The following ADAMTS18 variants were observed in gnomAD, a reference collection of about 807,000 sequenced individuals.
ADAMTS18 encodes A disintegrin and metalloproteinase with thrombospondin motifs 18.
Under a neutral mutation model 165.9 loss-of-function variants are expected in ADAMTS18, and 157 were observed. The ratio of observed to expected loss-of-function variants is 0.95; its 90% CI spans 0.83 to 1.08. ADAMTS18 has a LOEUF of 1.08. ADAMTS18 is among the 50% of genes least tolerant of loss of function. The pLI is 0.00. For synonymous variants in ADAMTS18, 782 were observed against 578.2 expected (o/e 1.35, Z -5.06); for missense variants, 2,040 against 1,534.0 (o/e 1.33, Z -5.51).
chr16:77,301,333 G>A (rs1378005517), intron 16 of ADAMTS18, among the ~76,000 whole-genome samples: 1 of 151,458 alleles, frequency 6.6e-6, no homozygotes, highest in Non-Finnish European at 1.5e-5. Flanking sequence ...AAGTGACTAG[G>A]GACTGAGCTT....
intron 3 of ADAMTS18, among the ~76,000 whole-genome samples, chr16:77,386,570 T>C (rs1055553668): frequency 6.6e-6 from 1 of 152,162 alleles, no homozygotes; most frequent in Non-Finnish European, 1.5e-5. Context: ...CTCCAGTTCA[T>C]CAAAGCCCTA....
chr16:77,293,528 C>T (rs2055408913), intron 19 of ADAMTS18, among the ~76,000 whole-genome samples: 1 of 151,806 alleles, frequency 6.6e-6, no homozygotes, highest in African/African-American at 2.4e-5. Flanking sequence ...TTTAGATTTA[C>T]CCTCTGCTAT....
In ADAMTS18 at chr16:77,362,098, A is replaced by G; in HGVS notation, c.1216+7T>C. 6.2e-7 allele frequency: 1 copy of G among 1,614,026 alleles called. No homozygotes were observed. The highest frequency in any genetic ancestry group is 8.5e-7 in the Non-Finnish European group (1 of 1,179,974). On this transcript the variant is annotated splice_region_variant and intron_variant, in intron 7 of 22. Transcript: ENST00000282849. Reference sequence around the variant, plus strand: ...AGGTGTGTGTGAAGGATCTGTTCATACCATACCTAGAGTGTCACATGGTTC... The same window carrying G: ...AGGTGTGTGTGAAGGATCTGTTCATGCCATACCTAGAGTGTCACATGGTTC...
chr16:77,296,739 G>A (rs2055480311), intron 18 of ADAMTS18, among the ~76,000 whole-genome samples: 1 of 152,212 alleles, frequency 6.6e-6, no homozygotes, highest in Non-Finnish European at 1.5e-5. Flanking sequence ...ATAATTGCTT[G>A]AATCCAGTAG....
intron 4 of ADAMTS18, among the ~76,000 whole-genome samples, chr16:77,366,648 A>C (rs893072105): frequency 6.6e-6 from 1 of 152,244 alleles, no homozygotes; most frequent in African/African-American, 2.4e-5. Flanking sequence ...TTGAGTATGT[A>C]AATCTACTTT....
Position 77,363,965 on chromosome 16 carries a change from G to C in ADAMTS18, c.973-80C>G, listed in dbSNP as rs1014243493. 8 of 1,372,004 alleles carry C rather than the reference G, an allele frequency of 5.8e-6. No individual in the cohort carries two copies. The Admixed American group carries it at 1.4e-4, about 23-fold the overall frequency. The allele number at this position is 1,372,004 out of a possible 1,614,324, so 85.0% of individuals were successfully genotyped here. A position where few individuals can be genotyped will look rare whatever the true frequency, so the allele number is the denominator to read the frequency against. On this transcript the variant is annotated intron_variant, in intron 5 of 22. Transcript: ENST00000282849. Reference sequence around the variant, plus strand: ...GAATCAATCAGACATATTGACTGAAGTACGCAGGCTTTAATTTTACCAAAT... The same window carrying C: ...GAATCAATCAGACATATTGACTGAACTACGCAGGCTTTAATTTTACCAAAT...
At chr16:77,335,670 A>G (rs1210030186) in intron 12 of ADAMTS18, 86 bp downstream of exon 12, 4 of 1,510,204 alleles carry the variant, frequency 2.6e-6, no homozygotes, top group Non-Finnish European at 3.7e-6. Context: ...TAAAAAAATA[A>G]ACTTAAAGTA....
chr16:77,304,494 T>A (rs2055646616), intron 16 of ADAMTS18, among the ~76,000 whole-genome samples: 1 of 152,196 alleles, frequency 6.6e-6, no homozygotes, highest in South Asian at 2.1e-4. Flanking sequence ...TCTGTTTTCT[T>A]TGAAGATTTC....
intron 3 of ADAMTS18, among the ~76,000 whole-genome samples, chr16:77,381,186 C>G (rs1436573870): frequency 6.6e-6 from 1 of 150,956 alleles, no homozygotes; most frequent in Non-Finnish European, 1.5e-5. Flanking sequence ...GCAGCTCTAC[C>G]TGATGGGTAC....
chr16:77,385,074 A>C (rs898872492), intron 3 of ADAMTS18, among the ~76,000 whole-genome samples: 1 of 151,916 alleles, frequency 6.6e-6, no homozygotes, highest in Admixed American at 6.6e-5. Context: ...ATGCCTGTCT[A>C]ATTTTTGGAT....
In ADAMTS18 at chr16:77,341,823, G is replaced by T. The variant is rs115114398; in HGVS notation, c.1615-24C>A. ...TCCTGAAATAAAAAAAAAGGGGGGT[G>T]CTGTTAATGGTGATATACAATAAAA... On this transcript the variant is annotated intron_variant, in intron 10 of 22. Transcript: ENST00000282849. 2,658 of 1,534,448 alleles carry T rather than the reference G, an allele frequency of 1.7e-3. 38 individuals are homozygous for T. The African/African-American group carries it at 0.032, about 18-fold the overall frequency.
At chr16:77,408,330 C>T (rs1043986347) in intron 3 of ADAMTS18, among the ~76,000 whole-genome samples, 11 of 151,914 alleles carry the variant, frequency 7.2e-5, no homozygotes, top group Admixed American at 1.3e-4. Context: ...GCTAGATGAC[C>T]GAGAAATTCC....
chr16:77,415,725 CAAA>C (rs71137817), intron 3 of ADAMTS18, among the ~76,000 whole-genome samples: 4 of 101,984 alleles, frequency 3.9e-5, no homozygotes, highest in South Asian at 3.5e-4. Flanking sequence ...GCTGGGTAGG[CAAA>C]AAAAAAAAAA....
intron 3 of ADAMTS18, among the ~76,000 whole-genome samples, chr16:77,391,030 T>C (rs1247044969): frequency 6.6e-6 from 1 of 152,194 alleles, no homozygotes; most frequent in South Asian, 2.1e-4. Context: ...ATCTCAATTG[T>C]GCATGACTCC....
Position 77,375,890 on chromosome 16 carries a change from C to CTT in ADAMTS18, c.496-8169_496-8168dup, listed in dbSNP as rs200629744. 2.2e-3 allele frequency among the ~76,000 whole-genome samples: 210 copies of CTT among 93,878 alleles called. 5 individuals carry two copies. Among genetic ancestry groups the CTT allele is most frequent in the Middle Eastern group, 7.2e-3 (1 of 138 alleles). 61.6% of individuals were successfully genotyped at this position (93,878 alleles called of 152,430 possible). ...TTTTATGTCGTTTTTTCTTTCTTTC[C>CTT]TTTTTTTTTTTTTTTTTTTTTTTTT... On this transcript the variant is annotated intron_variant, in intron 3 of 22. Transcript: ENST00000282849.
intron 22 of ADAMTS18, 97 bp downstream of exon 22, chr16:77,289,167 A>G: frequency 2.0e-6 from 3 of 1,482,262 alleles, no homozygotes; most frequent in Non-Finnish European, 2.8e-6. Context: ...CTTACCCTAG[A>G]GTTGTACAAT....
chr16:77,431,349 T>C lies in ADAMTS18; in HGVS notation c.441A>G (p.Gly147=), dbSNP rs1378065018. The part of the protein sequence containing the change: ...KPEVQQCFYQ[G]FIRNDSSSSV... ...AGGAGGAGCTGTCATTTCTGATAAA[T>C]CCCTGATAGAAGCATTGCTGCACCT... The change falls in exon 3 of 23, where the codon GGA becomes GGG. Residue 147 remains glycine, a synonymous_variant. Coordinates refer to ENST00000282849, the MANE Select transcript of ADAMTS18 (RefSeq NM_199355.4). The C allele has an allele frequency of 1.2e-5, 20 of 1,614,134 alleles. No homozygotes were observed. The highest frequency in any genetic ancestry group is 1.7e-5 in the Non-Finnish European group (20 of 1,180,024).
intron 3 of ADAMTS18, among the ~76,000 whole-genome samples, chr16:77,372,799 T>C (rs1028199809): frequency 2.6e-5 from 4 of 152,192 alleles, no homozygotes; most frequent in African/African-American, 4.8e-5. Context: ...CGTCTCTTAT[T>C]TGGACACTTT....
Position 77,431,280 on chromosome 16 carries a change from C to T in ADAMTS18, c.495+15G>A, listed in dbSNP as rs111367647. 6.2e-7 allele frequency: 1 copy of T among 1,613,962 alleles called. No individual in the cohort carries two copies. Among genetic ancestry groups the T allele is most frequent in the African/African-American group, 1.3e-5 (1 of 74,906 alleles). Reference sequence around the variant, plus strand: ...CACGAAAGAGGGAGCTCAACTCAGACTGGGGTGTACTTACCAAGCCAGCAC... The same window carrying T: ...CACGAAAGAGGGAGCTCAACTCAGATTGGGGTGTACTTACCAAGCCAGCAC... On this transcript the variant is annotated intron_variant, in intron 3 of 22. Coordinates refer to ENST00000282849, the MANE Select transcript of ADAMTS18 (RefSeq NM_199355.4).
Sources: gnomAD v4.1 joint callset for allele counts (sites outside exome capture counted in the v4.1 genomes callset) on GRCh38, gnomAD v4.1.1 for gene constraint, MANE v1.5 for transcripts, NCBI Gene and HGNC (gene_info 2026-07-23, HGNC 2026-07-21) for gene names.